Variants in KAT6A observed in about 807,000 individuals in gnomAD.
KAT6A encodes the protein histone acetyltransferase KAT6A.
In KAT6A, 9 loss-of-function variants were observed where a neutral mutation model predicts 198.4. The observed-to-expected ratio is 0.05, with a 90% CI of 0.03 to 0.08. The LOEUF (loss-of-function observed/expected upper bound fraction) is 0.08, where lower values mean the gene tolerates loss of function less well. Ranked by LOEUF, KAT6A falls within the 10% of genes least tolerant of loss-of-function variation. The pLI is 1.00. For synonymous variants in KAT6A, 890 were observed against 883.0 expected (o/e 1.01, Z -0.14); for missense variants, 2,077 against 2,509.9 (o/e 0.83, Z 3.69).
chr8:41,986,341 G>T (rs1006730260), intron 3 of KAT6A, among the ~76,000 whole-genome samples: 1 of 152,072 alleles, frequency 6.6e-6, no homozygotes, highest in Non-Finnish European at 1.5e-5. Flanking sequence ...CACATTGCTC[G>T]CTAGACTGCA....
chr8:41,965,379 G>T (rs1424417392), intron 8 of KAT6A, among the ~76,000 whole-genome samples: 2 of 152,190 alleles, frequency 1.3e-5, no homozygotes, highest in Non-Finnish European at 2.9e-5. Context: ...ACAGGCTGTG[G>T]ATGGGACTGG....
chr8:41,954,393 A>T (rs1822826911), intron 9 of KAT6A, among the ~76,000 whole-genome samples: 1 of 152,142 alleles, frequency 6.6e-6, no homozygotes, highest in Admixed American at 6.5e-5. Context: ...ACATGATGAG[A>T]ATATTCTGAA....
intron 2 of KAT6A, among the ~76,000 whole-genome samples, chr8:42,004,885 G>A (rs1376221872): frequency 6.6e-6 from 1 of 151,614 alleles, no homozygotes; most frequent in Non-Finnish European, 1.5e-5. Flanking sequence ...CCGAGATCAC[G>A]CCATTGCACT....
At position 42,048,960 on chromosome 8, in the gene KAT6A, G is replaced by A. The variant is rs1802459110; in HGVS notation, c.18C>T (p.Asn6=). The A allele has an allele frequency of 2.5e-6, 4 of 1,612,376 alleles. No homozygotes were observed. Among genetic ancestry groups the A allele is most frequent in the Admixed American group, 1.7e-5 (1 of 59,810 alleles). MVKLA[N]PLYTEWILEA... ...CCAAAATCCACTCAGTATAAAGCGG[G>A]TTTGCGAGTTTTACCATGGTGAAGG... The change falls in exon 2 of 17, where the codon AAC becomes AAT. Residue 6 remains asparagine, a synonymous_variant. Transcript: ENST00000265713.
chr8:42,016,520 ACACTT>A (rs1826277850), intron 2 of KAT6A, among the ~76,000 whole-genome samples: 1 of 152,230 alleles, frequency 6.6e-6, no homozygotes, highest in Admixed American at 6.5e-5. Context: ...AGTACACAAA[ACACTT>A]AACATGTCCA....
intron 2 of KAT6A, among the ~76,000 whole-genome samples, chr8:42,028,530 T>C (rs1564075385): frequency 1.3e-5 from 2 of 152,242 alleles, no homozygotes; most frequent in African/African-American, 4.8e-5. Flanking sequence ...ATGTCCACTT[T>C]ATCTAATAGA....
intron 2 of KAT6A, chr8:42,043,546 G>A (rs542551444): frequency 1.3e-5 from 2 of 152,024 alleles, no homozygotes; most frequent in African/African-American, 4.8e-5. Context: ...CCTAATCTTT[G>A]GTTCCTAACA....
chr8:41,969,680 T>G (rs897692041), intron 8 of KAT6A, among the ~76,000 whole-genome samples: 1 of 152,190 alleles, frequency 6.6e-6, no homozygotes, highest in Non-Finnish European at 1.5e-5. Flanking sequence ...TCTTGCTGTT[T>G]CCTTGCTAAA....
At chr8:42,006,609 G>C (rs1408693974) in intron 2 of KAT6A, among the ~76,000 whole-genome samples, 3 of 152,170 alleles carry the variant, frequency 2.0e-5, no homozygotes, top group Non-Finnish European at 4.4e-5. Context: ...CGCCCAAAGA[G>C]TTTCAGACTT....
chr8:41,979,222 T>G (rs948331881), intron 5 of KAT6A, among the ~76,000 whole-genome samples: 1 of 152,124 alleles, frequency 6.6e-6, no homozygotes, highest in Non-Finnish European at 1.5e-5. Context: ...GAGCCGAGAT[T>G]GCACCACTGC....
At position 41,943,207 on chromosome 8, in the gene KAT6A, G is replaced by A. The variant is rs555354623; in HGVS notation, c.2229-207C>T. ...AAATGCTTCGCTCTCTACCGTGGCC[G>A]CGGGCTGTTTTCACTGCCTGCTGTC... On this transcript the variant is annotated intron_variant, in intron 13 of 16. Coordinates refer to ENST00000265713, the MANE Select transcript of KAT6A (RefSeq NM_006766.5). Among the ~76,000 whole-genome samples, 38 of 152,264 alleles carry A rather than the reference G, an allele frequency of 2.5e-4. No homozygotes were observed. In the South Asian group the frequency reaches 6.4e-3, roughly 26 times the overall value.
At chr8:41,990,712 A>G (rs1243448411) in intron 2 of KAT6A, among the ~76,000 whole-genome samples, 1 of 152,158 alleles carries the variant, frequency 6.6e-6, no homozygotes, top group Non-Finnish European at 1.5e-5. Context: ...GTGGAACAAC[A>G]GCCAAGTGCA....
intron 11 of KAT6A, 44 bp from the exon 12 acceptor site, chr8:41,946,728 A>T: frequency 9.0e-7 from 1 of 1,114,130 alleles, no homozygotes. Flanking sequence ...AGGCTGGTAA[A>T]AGTGAATAAT....
At chr8:41,935,706 G>A (rs1821815289) in intron 16 of KAT6A, among the ~76,000 whole-genome samples, 1 of 152,026 alleles carries the variant, frequency 6.6e-6, no homozygotes, top group South Asian at 2.1e-4. Flanking sequence ...ATGCAGTGGG[G>A]GCACGGCTAA....
chr8:42,037,528 C>G (rs1009652604), intron 2 of KAT6A, among the ~76,000 whole-genome samples: 9 of 152,100 alleles, frequency 5.9e-5, no homozygotes, highest in South Asian at 2.1e-4. Flanking sequence ...AATTAAAAAC[C>G]AACACTTAGC....
At chr8:41,970,055 CGACT>C (rs1470324743) in intron 8 of KAT6A, among the ~76,000 whole-genome samples, 9 of 152,146 alleles carry the variant, frequency 5.9e-5, no homozygotes, top group African/African-American at 2.2e-4. Context: ...CATTTCCTTC[CGACT>C]ATCAGTTTGT....
intron 2 of KAT6A, among the ~76,000 whole-genome samples, chr8:42,039,070 A>C (rs2150926352): frequency 6.6e-6 from 1 of 152,292 alleles, no homozygotes. Context: ...TGAAAGGAAA[A>C]AACCAGAAGG....
intron 2 of KAT6A, among the ~76,000 whole-genome samples, chr8:42,039,743 T>G (rs1475001547): frequency 2.7e-5 from 4 of 150,780 alleles, no homozygotes; most frequent in African/African-American, 4.9e-5. Flanking sequence ...TTAATTTTTG[T>G]TTTTTTTTGA....
At chr8:41,978,807 TG>T (rs1177488780) in intron 5 of KAT6A, 30 bp from the exon 6 acceptor site, 2 of 1,602,436 alleles carry the variant, frequency 1.2e-6, no homozygotes, top group African/African-American at 2.7e-5. Context: ...CACATAGAAG[TG>T]TGACAGACAT....
Sources: allele counts gnomAD v4.1 joint callset (sites outside exome capture counted in the v4.1 genomes callset), GRCh38; gene constraint gnomAD v4.1.1; transcripts MANE v1.5; gene names NCBI Gene and HGNC (gene_info 2026-07-23, HGNC 2026-07-21).